The following DYNC2LI1 variants were observed in gnomAD, a reference collection of about 807,000 sequenced individuals.
DYNC2LI1 encodes the protein dynein cytoplasmic 2 light intermediate chain 1.
A neutral mutation model predicts 51.9 loss-of-function variants in DYNC2LI1; 45 were observed. The ratio of observed to expected loss-of-function variants is 0.87; its 90% CI spans 0.68 to 1.11. The LOEUF is 1.11. Ranked by LOEUF, DYNC2LI1 falls within the 50% of genes most tolerant of loss-of-function variation. The pLI, the probability that DYNC2LI1 is intolerant of heterozygous loss-of-function variation, is 0.00. For missense variants in DYNC2LI1, 490 were observed against 417.4 expected (o/e 1.17, Z -1.51); for synonymous variants, 130 against 137.8 (o/e 0.94, Z 0.40).
chr2:43,791,693 G>A (rs1572706862), intron 5 of DYNC2LI1, among the ~76,000 whole-genome samples: 1 of 152,212 alleles, frequency 6.6e-6, no homozygotes, highest in Non-Finnish European at 1.5e-5. Context: ...TAATTTCCTT[G>A]TGTTGGATGA....
At chr2:43,790,320 C>G (rs1673718497) in intron 5 of DYNC2LI1, among the ~76,000 whole-genome samples, 1 of 152,146 alleles carries the variant, frequency 6.6e-6, no homozygotes, top group African/African-American at 2.4e-5. Flanking sequence ...TCTTAGTGTT[C>G]CTGGGAACTG....
intron 8 of DYNC2LI1, among the ~76,000 whole-genome samples, chr2:43,797,076 C>A (rs1023759586): frequency 2.6e-5 from 4 of 152,126 alleles, no homozygotes; most frequent in African/African-American, 9.7e-5. Context: ...TCTATTTATT[C>A]ATTTTTGGTA....
chr2:43,811,302 A>T (rs1476858736), downstream of DYNC2LI1, among the ~76,000 whole-genome samples: 3 of 152,244 alleles, frequency 2.0e-5, no homozygotes. Flanking sequence ...AAAATTGACA[A>T]TACTAGTCTG....
intron 8 of DYNC2LI1, 137 bp downstream of exon 8, chr2:43,796,932 C>G: frequency 1.5e-6 from 1 of 658,462 alleles, no homozygotes; most frequent in South Asian, 1.9e-5. Flanking sequence ...TGCTGAAGAC[C>G]TCTCCTTACA....
chr2:43,824,216 T>C, the DYNC2LI1 span: 1 of 1,614,222 alleles, frequency 6.2e-7, no homozygotes. Flanking sequence ...GTGAGCCTCT[T>C]ACCTCAGGAG....
In DYNC2LI1 at chr2:43,794,803, A is replaced by G. The variant is rs988199994; in HGVS notation, c.507+160A>G. On this transcript the variant is annotated intron_variant, in intron 6 of 12. Coordinates refer to ENST00000260605, the MANE Select transcript of DYNC2LI1 (RefSeq NM_016008.4). ...AATTACAGCAATTTATTAAAACCTCAGTAAGAGCAAAACAAGGAAGAAGAT... is the reference window on the plus strand; with the variant it reads ...AATTACAGCAATTTATTAAAACCTCGGTAAGAGCAAAACAAGGAAGAAGAT... 6 of 1,480,444 alleles carry G rather than the reference A, an allele frequency of 4.1e-6. No homozygotes were observed. The African/African-American group carries it at 8.5e-5, about 21-fold the overall frequency. The allele number at this position is 1,480,444 out of a possible 1,614,324, so 91.7% of individuals were successfully genotyped here.
chr2:43,780,963 G>A (rs1457476459), intron 2 of DYNC2LI1, among the ~76,000 whole-genome samples: 5 of 152,014 alleles, frequency 3.3e-5, no homozygotes, highest in Non-Finnish European at 4.4e-5. Flanking sequence ...TTTAAATTTT[G>A]GATTGTAATT....
intron 7 of DYNC2LI1, 117 bp from the exon 8 acceptor site, chr2:43,796,601 A>G (rs946598096): frequency 1.0e-4 from 73 of 722,830 alleles, no homozygotes; most frequent in Admixed American, 5.2e-5. Flanking sequence ...ATGGAATCCT[A>G]TTCCTGAAAG....
downstream of DYNC2LI1, chr2:43,814,481 A>G (rs141053836): frequency 9.4e-6 from 15 of 1,592,770 alleles, no homozygotes; most frequent in African/African-American, 2.0e-4. Flanking sequence ...ACTTACCACA[A>G]GTGAAATTCA....
the DYNC2LI1 span, chr2:43,822,660 A>G: frequency 6.4e-7 from 1 of 1,550,528 alleles, no homozygotes; most frequent in Non-Finnish European, 8.7e-7. Flanking sequence ...AAGATACGAC[A>G]TTGCACTAGA....
At chr2:43,782,413 A>G (rs1170218209) in intron 2 of DYNC2LI1, among the ~76,000 whole-genome samples, 4 of 152,052 alleles carry the variant, frequency 2.6e-5, no homozygotes, top group African/African-American at 9.7e-5. Flanking sequence ...ACAAAAACAC[A>G]TATAATAAGT....
intron 12 of DYNC2LI1, among the ~76,000 whole-genome samples, chr2:43,808,529 A>T (rs1389891992): frequency 6.6e-6 from 1 of 152,230 alleles, no homozygotes; most frequent in African/African-American, 2.4e-5. Context: ...ACATTGAACA[A>T]CATGTAGGAG....
chr2:43,787,050 A>G (rs1269709159), intron 3 of DYNC2LI1, 131 bp from the exon 4 acceptor site: 1 of 614,600 alleles, frequency 1.6e-6, no homozygotes, highest in Non-Finnish European at 2.8e-6. Flanking sequence ...AATTTATTTC[A>G]ACGCTATTAT....
chr2:43,800,894 G>T lies in DYNC2LI1; in HGVS notation c.708G>T (p.Gln236His). Residue 236 changes from glutamine (Q) to histidine (H), a missense_variant, in exon 9 of 13, where the codon CAG (glutamine) becomes CAT (histidine). Gln to His is a conservative substitution (Grantham distance 24). Transcript: ENST00000260605. The part of the protein sequence containing the change: ...LLLKIRGVIN[Q>H]LAFGIDKSKS... ...TAAAAATACGTGGAGTTATCAACCA[G>T]TTGGCATTTGGCATTGACAAAAGGT... 1 of 1,604,722 alleles carries T rather than the reference G, an allele frequency of 6.2e-7. No homozygotes were observed. The highest frequency in any genetic ancestry group is 8.5e-7 in the Non-Finnish European group (1 of 1,174,916).
chr2:43,774,429 G>T (rs1042451550), intron 1 of DYNC2LI1, among the ~76,000 whole-genome samples: 6 of 152,198 alleles, frequency 3.9e-5, no homozygotes, highest in African/African-American at 1.4e-4. Flanking sequence ...GACTACTTCC[G>T]GAGCAGGACA....
At chr2:43,819,887 C>A in the DYNC2LI1 span, 1 of 1,612,324 alleles carries the variant, frequency 6.2e-7, no homozygotes, top group Admixed American at 1.7e-5. Context: ...TTATCCCAAT[C>A]TAAATTTTTT....
chr2:43,798,619 GT>G (rs1282759077), intron 8 of DYNC2LI1, among the ~76,000 whole-genome samples: 2 of 152,200 alleles, frequency 1.3e-5, no homozygotes, highest in Non-Finnish European at 2.9e-5. Flanking sequence ...ATGAAGTCAG[GT>G]CAACGCAGTC....
In DYNC2LI1 at chr2:43,787,243, A is replaced by T; in HGVS notation, c.224A>T (p.His75Leu). Residue 75 changes from histidine (H) to leucine (L), a missense_variant, in exon 4 of 13, where the codon CAC becomes CTC. His to Leu is a moderately conservative substitution (Grantham distance 99, BLOSUM62 -3). Coordinates refer to ENST00000260605, the MANE Select transcript of DYNC2LI1 (RefSeq NM_016008.4). ...EYTYGRRAKG[H>L]NTPKDIAHFW... ...ACATATGGAAGAAGAGCAAAAGGGCACAACACAGTAAGTGTCTTTTAAAGT... is the reference window on the plus strand; with the variant it reads ...ACATATGGAAGAAGAGCAAAAGGGCTCAACACAGTAAGTGTCTTTTAAAGT... The T allele has an allele frequency of 6.2e-7, 1 of 1,612,670 alleles. No homozygotes were observed. The highest frequency in any genetic ancestry group is 8.5e-7 in the Non-Finnish European group (1 of 1,178,996).
Position 43,804,693 on chromosome 2 carries a change from C to T in DYNC2LI1, c.854C>T (p.Pro285Leu). 1 of 1,607,846 alleles carries T rather than the reference C, an allele frequency of 6.2e-7. No homozygotes were observed. The highest frequency in any genetic ancestry group is 8.5e-7 in the Non-Finnish European group (1 of 1,177,808). Residue 285 changes from proline (P) to leucine (L), a missense_variant, in exon 11 of 13, where the codon CCT becomes CTT. Physicochemically the swap from Pro to Leu is moderately conservative, Grantham distance 98. Coordinates refer to ENST00000260605, the MANE Select transcript of DYNC2LI1 (RefSeq NM_016008.4). Reference sequence around the variant, plus strand: ...ATTGGAAAGCTTCATGCCCACTCACCTATGGAGTTGTGGAAAAAAGTGTAT... The same window carrying T: ...ATTGGAAAGCTTCATGCCCACTCACTTATGGAGTTGTGGAAAAAAGTGTAT... The part of the protein sequence containing the change: ...NDIGKLHAHS[P>L]MELWKKVYEK...
Sources: allele counts gnomAD v4.1 joint callset (sites outside exome capture counted in the v4.1 genomes callset), GRCh38; gene constraint gnomAD v4.1.1; transcripts MANE v1.5; gene names NCBI Gene and HGNC (gene_info 2026-07-23, HGNC 2026-07-21).